Variants in ADD3 observed in about 807,000 individuals in gnomAD.
ADD3 encodes adducin 3.
In ADD3, 25 loss-of-function variants were observed where a neutral mutation model predicts 80.2. The ratio of observed to expected loss-of-function variants is 0.31; its 90% CI spans 0.23 to 0.44. ADD3 has a LOEUF of 0.44. ADD3 is among the 20% of genes least tolerant of loss of function. The probability of loss-of-function intolerance (pLI) is 1.00; values close to 1 mark genes in which losing one functional copy is unlikely to be tolerated. For missense variants in ADD3, 829 were observed against 847.5 expected (o/e 0.98, Z 0.27); for synonymous variants, 284 against 289.6 (o/e 0.98, Z 0.20).
In ADD3 at chr10:110,057,581, G is replaced by A. The variant is rs144569309; in HGVS notation, c.-29-43044G>A. Among the ~76,000 whole-genome samples the A allele has an allele frequency of 3.1e-3, 468 of 152,148 alleles. 1 individual carries two copies. Among genetic ancestry groups the A allele is most frequent in the Non-Finnish European group, 3.9e-3 (263 of 68,002 alleles). ...CTGAGATTTTGATTTAAATGGTGTC[G>A]GTGCAGTCTGGGTACTGGGATTTTT... On this transcript the variant is annotated intron_variant, in intron 1 of 14. Transcript: ENST00000356080.
chr10:110,056,122 A>G (rs1858164819), intron 1 of ADD3, among the ~76,000 whole-genome samples: 1 of 152,228 alleles, frequency 6.6e-6, no homozygotes, highest in African/African-American at 2.4e-5. Flanking sequence ...TCCAGTGTTA[A>G]TGAGATAACT....
intron 1 of ADD3, among the ~76,000 whole-genome samples, chr10:110,094,011 A>G (rs1177066922): frequency 2.6e-5 from 4 of 152,202 alleles, no homozygotes; most frequent in Non-Finnish European, 4.4e-5. Flanking sequence ...TTAATATTTA[A>G]TGATGTACTT....
rs149736799 is a variant in ADD3 at position 110,036,801 on chromosome 10, G to A, written c.-30+28502G>A. Among the ~76,000 whole-genome samples, 214 of 152,258 alleles carry A rather than the reference G, an allele frequency of 1.4e-3. 1 individual carries two copies. The highest frequency in any genetic ancestry group is 0.011 in the Admixed American group (175 of 15,298). On this transcript the variant is annotated intron_variant, in intron 1 of 14. Transcript: ENST00000356080. ...AGGCATGGGGATAGCATTTCATAGA[G>A]GAGTGTGCAGGTCATTCCCCAGCAG...
intron 12 of ADD3, among the ~76,000 whole-genome samples, chr10:110,127,125 TCA>T (rs886875489): frequency 1.3e-4 from 20 of 152,338 alleles, no homozygotes; most frequent in African/African-American, 4.8e-4. Flanking sequence ...TAAGGATACA[TCA>T]CAGTTTTTGT....
rs911402672 is a variant in ADD3, at chr10:110,134,122, T to C, written c.*504T>C. The stretch of plus-strand genomic sequence containing the variant: ...AGCATTAGTATACACTGGCACATAA[T>C]TTTTTAAAAAGTTTTAAGAAAAGAT... On this transcript the variant is annotated 3_prime_UTR_variant, in exon 15 of 15. Transcript: ENST00000356080. 1 of 152,600 alleles carries C rather than the reference T, an allele frequency of 6.6e-6. No homozygotes were observed. Among genetic ancestry groups the C allele is most frequent in the Admixed American group, 6.5e-5 (1 of 15,282 alleles). 9.5% of individuals were successfully genotyped at this position (152,600 alleles called of 1,614,324 possible).
In ADD3 at chr10:110,100,827, T is replaced by C. The variant is rs139486472; in HGVS notation, c.174T>C (p.Val58=). The C allele has an allele frequency of 2.5e-6, 4 of 1,608,220 alleles. No individual in the cohort carries two copies. In the African/African-American group the frequency reaches 4.0e-5, roughly 16 times the overall value. Residue 58 remains valine (V), a synonymous_variant, in exon 2 of 15, where the codon GTT becomes GTC. Coordinates refer to ENST00000356080, the MANE Select transcript of ADD3 (RefSeq NM_016824.5). ...ACATGATGGAGCAGAGGAAACGAGT[T>C]ACTCAGATCCTGCAAAGTCCTGTGA... The part of the protein sequence containing the change: ...DFNMMEQRKR[V]TQILQSPAFR...
intron 1 of ADD3, among the ~76,000 whole-genome samples, chr10:110,076,510 G>A (rs1443614387): frequency 3.3e-5 from 5 of 152,164 alleles, no homozygotes; most frequent in African/African-American, 1.2e-4. Flanking sequence ...ACTATTGCTA[G>A]TTGATAATAA....
Position 110,125,956 on chromosome 10 carries a change from GTCT to G in ADD3, c.1521+15_1521+17del, listed in dbSNP as rs111267683. On this transcript the variant is annotated intron_variant, in intron 11 of 14. Coordinates refer to ENST00000356080, the MANE Select transcript of ADD3 (RefSeq NM_016824.5). ...GAAAAGAGAAATAAGGTAAGACATG[GTCT>G]TCTATAGCCAGGGGAGACATTTTAA... is the stretch of plus-strand genomic sequence containing the variant. 4,090 of 1,597,150 alleles carry G rather than the reference GTCT, an allele frequency of 2.6e-3. 66 individuals carry two copies. The African/African-American group carries it at 0.036, about 14-fold the overall frequency.
At chr10:110,130,058 G>GT (rs1348999034) in intron 12 of ADD3, among the ~76,000 whole-genome samples, 5 of 151,754 alleles carry the variant, frequency 3.3e-5, no homozygotes, top group East Asian at 1.9e-4. Context: ...TTTTTTTCAA[G>GT]TTTTTTTTAT....
chr10:110,093,332 C>T lies in ADD3; in HGVS notation c.-29-7293C>T, dbSNP rs140864907. Among the ~76,000 whole-genome samples, 601 of 152,268 alleles carry T rather than the reference C, an allele frequency of 3.9e-3. 4 individuals carry two copies. Among genetic ancestry groups the T allele is most frequent in the Non-Finnish European group, 5.4e-3 (370 of 68,024 alleles). Reference sequence around the variant, plus strand: ...GACCAATTTCTATTACCACTTATTTCAGTTGGTGTATTATACTTGTCTTAA... The same window carrying T: ...GACCAATTTCTATTACCACTTATTTTAGTTGGTGTATTATACTTGTCTTAA... On this transcript the variant is annotated intron_variant, in intron 1 of 14. Coordinates refer to ENST00000356080, the MANE Select transcript of ADD3 (RefSeq NM_016824.5).
At chr10:110,022,332 AT>A (rs200986973) in intron 1 of ADD3, among the ~76,000 whole-genome samples, 3 of 151,782 alleles carry the variant, frequency 2.0e-5, no homozygotes, top group African/African-American at 4.8e-5. Flanking sequence ...ATTCCCAATA[AT>A]TTTTTTTAGC....
Position 110,100,784 on chromosome 10 carries a change from A to G in ADD3, c.131A>G (p.Asp44Gly). 1 of 1,613,632 alleles carries G rather than the reference A, an allele frequency of 6.2e-7. No individual in the cohort carries two copies. The highest frequency in any genetic ancestry group is 8.5e-7 in the Non-Finnish European group (1 of 1,179,808). ...EYIRERNMSP[D>G]LRQDFNMMEQ... ...ATTAGGGAGAGGAACATGTCTCCTGATCTACGACAAGACTTCAACATGATG... is the reference window on the plus strand; with the variant it reads ...ATTAGGGAGAGGAACATGTCTCCTGGTCTACGACAAGACTTCAACATGATG... The change falls in exon 2 of 15, where the codon GAT becomes GGT. Residue 44 changes from aspartate to glycine, a missense_variant. Transcript: ENST00000356080.
upstream of ADD3, among the ~76,000 whole-genome samples, chr10:110,007,728 G>T (rs535797819): frequency 6.6e-6 from 1 of 152,176 alleles, no homozygotes; most frequent in Admixed American, 6.5e-5. Flanking sequence ...GGGCGCGGAG[G>T]GGGCTGCGGG....
chr10:110,026,775 GA>G (rs1010941776), intron 1 of ADD3, among the ~76,000 whole-genome samples: 3 of 143,974 alleles, frequency 2.1e-5, no homozygotes, highest in African/African-American at 2.5e-5. Flanking sequence ...GTTAATGATT[GA>G]TTTTTTTTTT....
At chr10:110,086,426 A>G (rs1260082086) in intron 1 of ADD3, among the ~76,000 whole-genome samples, 1 of 152,114 alleles carries the variant, frequency 6.6e-6, no homozygotes, top group Non-Finnish European at 1.5e-5. Context: ...ACAACAACAA[A>G]AAACAGGCTT....
At chr10:110,110,333 G>T (rs976034233) in intron 2 of ADD3, among the ~76,000 whole-genome samples, 64 of 152,146 alleles carry the variant, frequency 4.2e-4, no homozygotes, top group African/African-American at 1.5e-3. Flanking sequence ...ATGTATGTGA[G>T]GGAGACACAC....
In ADD3 at chr10:110,028,949, G is replaced by A. The variant is rs891684369; in HGVS notation, c.-30+20650G>A. 5.3e-5 allele frequency among the ~76,000 whole-genome samples: 8 copies of A among 149,542 alleles called. No homozygotes were observed. In the East Asian group the frequency reaches 1.6e-3, roughly 29 times the overall value. On this transcript the variant is annotated intron_variant, in intron 1 of 14. Coordinates refer to ENST00000356080, the MANE Select transcript of ADD3 (RefSeq NM_016824.5). The stretch of plus-strand genomic sequence containing the variant: ...GGCTGGAGTGCAATGGCACGATCTC[G>A]GCTCACCGCAACCTCCGCCTCCCGG...
intron 1 of ADD3, among the ~76,000 whole-genome samples, chr10:110,017,961 GT>G (rs1853194328): frequency 6.6e-6 from 1 of 152,126 alleles, no homozygotes; most frequent in Non-Finnish European, 1.5e-5. Context: ...TTAAATGATG[GT>G]TTTGCTGTGT....
chr10:110,059,155 C>T (rs1161710999), intron 1 of ADD3, among the ~76,000 whole-genome samples: 1 of 147,784 alleles, frequency 6.8e-6, no homozygotes, highest in Non-Finnish European at 1.5e-5. Flanking sequence ...CATGGAAACA[C>T]TTTCAGAAAT....
Sources: allele counts gnomAD v4.1 joint callset (sites outside exome capture counted in the v4.1 genomes callset), GRCh38; gene constraint gnomAD v4.1.1; transcripts MANE v1.5; gene names NCBI Gene and HGNC (gene_info 2026-07-23, HGNC 2026-07-21).